FTO: variants seen among roughly 807,000 people sequenced by gnomAD.
FTO encodes the protein FTO alpha-ketoglutarate dependent dioxygenase, also known as alpha-ketoglutarate-dependent dioxygenase FTO.
FTO carries 47 observed loss-of-function variants against 63.9 expected under a neutral mutation model. That is an observed-to-expected ratio of 0.74 (90% CI 0.58 to 0.94). The LOEUF (loss-of-function observed/expected upper bound fraction) is 0.94. Among genes scored for constraint, FTO ranks in the 40% least tolerant of loss-of-function variants. The pLI, the probability that FTO is intolerant of heterozygous loss-of-function variation, is 0.00. For missense variants in FTO, 562 were observed against 618.1 expected (o/e 0.91, Z 0.96); for synonymous variants, 207 against 224.4 (o/e 0.92, Z 0.69).
chr16:53,877,556 G>C (rs567771130), intron 5 of FTO, among the ~76,000 whole-genome samples: 1 of 152,228 alleles, frequency 6.6e-6, no homozygotes, highest in Non-Finnish European at 1.5e-5. Flanking sequence ...AAATCAGTTG[G>C]GGTTGGGGGT....
chr16:54,036,976 C>T (rs907867025), intron 8 of FTO, among the ~76,000 whole-genome samples: 1 of 152,218 alleles, frequency 6.6e-6, no homozygotes, highest in Non-Finnish European at 1.5e-5. Context: ...ATTTCTGCAT[C>T]TCCCCGTGTG....
intron 7 of FTO, among the ~76,000 whole-genome samples, chr16:53,931,106 A>G (rs2082270431): frequency 6.6e-6 from 1 of 152,176 alleles, no homozygotes; most frequent in African/African-American, 2.4e-5. Flanking sequence ...CCTGGATAAA[A>G]TGTAAATGAT....
intron 1 of FTO, among the ~76,000 whole-genome samples, chr16:53,756,326 T>A (rs2076922563): frequency 6.6e-6 from 1 of 152,212 alleles, no homozygotes; most frequent in African/African-American, 2.4e-5. Context: ...CAGCAACAGC[T>A]TCTTTTCTTA....
intron 8 of FTO, among the ~76,000 whole-genome samples, chr16:54,091,139 T>C (rs1412145683): frequency 6.6e-6 from 1 of 152,184 alleles, no homozygotes; most frequent in Non-Finnish European, 1.5e-5. Context: ...TTGGAGGCCA[T>C]GTTTGGAGGC....
At chr16:54,063,680 T>G (rs985570863) in intron 8 of FTO, 1 of 150,154 alleles carries the variant, frequency 6.7e-6, no homozygotes, top group Non-Finnish European at 1.5e-5. Flanking sequence ...GGCACAGCCA[T>G]TTAGAACTCT....
chr16:53,795,323 T>TG (rs1440162105), intron 1 of FTO, among the ~76,000 whole-genome samples: 1 of 152,216 alleles, frequency 6.6e-6, no homozygotes, highest in African/African-American at 2.4e-5. Context: ...GAAGGATAGA[T>TG]GGAGTTCCAA....
chr16:53,771,455 C>G (rs927470237), intron 1 of FTO, among the ~76,000 whole-genome samples: 1 of 151,978 alleles, frequency 6.6e-6, no homozygotes, highest in African/African-American at 2.4e-5. Flanking sequence ...GCAATTTCTT[C>G]CTATCTAGTC....
At chr16:53,739,421 A>G (rs548281744) in intron 1 of FTO, among the ~76,000 whole-genome samples, 65 of 141,634 alleles carry the variant, frequency 4.6e-4, no homozygotes, top group Middle Eastern at 3.6e-3. Context: ...TTACCGTGTT[A>G]GCCAGGATGG....
chr16:53,985,126 T>A (rs2083636530), intron 8 of FTO, among the ~76,000 whole-genome samples: 1 of 152,046 alleles, frequency 6.6e-6, no homozygotes, highest in African/African-American at 2.4e-5. Flanking sequence ...GAGAGAAGGG[T>A]GGCAATTAGT....
intron 1 of FTO, among the ~76,000 whole-genome samples, chr16:53,753,718 T>C (rs62048377): frequency 0.05 from 7,574 of 152,288 alleles, 290 homozygotes; most frequent in Middle Eastern, 0.13. Context: ...ATCATTTAGC[T>C]ATCTCTGACA....
chr16:54,095,280 G>T (rs183691441), intron 8 of FTO, among the ~76,000 whole-genome samples: 50 of 152,178 alleles, frequency 3.3e-4, no homozygotes, highest in Non-Finnish European at 6.8e-4. Flanking sequence ...CCTTAAGGGA[G>T]CCTTCTGCCT....
At chr16:53,988,173 G>A (rs1362714846) in intron 8 of FTO, among the ~76,000 whole-genome samples, 2 of 152,156 alleles carry the variant, frequency 1.3e-5, no homozygotes, top group African/African-American at 2.4e-5. Context: ...TTTCATACAC[G>A]TTCAGCTTTT....
chr16:53,798,445 G>A (rs1002434582), intron 1 of FTO, among the ~76,000 whole-genome samples: 3 of 151,794 alleles, frequency 2.0e-5, no homozygotes, highest in African/African-American at 7.3e-5. Context: ...GTTTAATTTC[G>A]GTAGTGTTTT....
At chr16:54,010,467 A>G (rs1249850253) in intron 8 of FTO, among the ~76,000 whole-genome samples, 6 of 152,106 alleles carry the variant, frequency 3.9e-5, no homozygotes, top group African/African-American at 1.4e-4. Flanking sequence ...AACTCTTCAT[A>G]TTAGTAAATC....
At chr16:53,778,061 A>G (rs2077502939) in intron 1 of FTO, among the ~76,000 whole-genome samples, 1 of 152,170 alleles carries the variant, frequency 6.6e-6, no homozygotes, top group Non-Finnish European at 1.5e-5. Context: ...CTTAAAGCTC[A>G]AGATTTAATA....
chr16:53,954,862 A>T (rs532148104), intron 8 of FTO, among the ~76,000 whole-genome samples: 5 of 151,984 alleles, frequency 3.3e-5, no homozygotes, highest in African/African-American at 1.2e-4. Context: ...AAACGTGGCC[A>T]AGCAGAAGCA....
At chr16:53,925,677 G>T (rs2076010389) in intron 7 of FTO, among the ~76,000 whole-genome samples, 1 of 152,098 alleles carries the variant, frequency 6.6e-6, no homozygotes, top group Admixed American at 6.5e-5. Context: ...TATTAGTAAA[G>T]AGTAAATGGT....
intron 7 of FTO, among the ~76,000 whole-genome samples, chr16:53,907,914 AG>A (rs1340036610): frequency 2.6e-5 from 4 of 152,212 alleles, no homozygotes; most frequent in African/African-American, 9.7e-5. Flanking sequence ...CTCTCATGAA[AG>A]CCATGCTTGA....
chr16:53,786,124 C>T (rs867539954), intron 1 of FTO, among the ~76,000 whole-genome samples: 4 of 151,950 alleles, frequency 2.6e-5, no homozygotes, highest in Non-Finnish European at 4.4e-5. Flanking sequence ...GTGTGTTAGG[C>T]GAGATATGGT....
Sources: allele counts gnomAD v4.1 joint callset (sites outside exome capture counted in the v4.1 genomes callset), GRCh38; gene constraint gnomAD v4.1.1; transcripts MANE v1.5; gene names NCBI Gene and HGNC (gene_info 2026-07-23, HGNC 2026-07-21).